Variants in FRMD4A observed in about 807,000 individuals in gnomAD.
FRMD4A encodes the protein FERM domain-containing protein 4A.
Under a neutral mutation model 129.1 loss-of-function variants are expected in FRMD4A, and 29 were observed. That is an observed-to-expected ratio of 0.22 (90% confidence interval 0.17 to 0.31). The LOEUF (loss-of-function observed/expected upper bound fraction) is 0.31, where lower values mean the gene tolerates loss of function less well. Ranked by LOEUF, FRMD4A falls within the 10% of genes least tolerant of loss-of-function variation. FRMD4A has a pLI of 1.00. For missense variants in FRMD4A, 1,272 were observed against 1,375.8 expected (o/e 0.92, Z 1.19); for synonymous variants, 634 against 571.6 (o/e 1.11, Z -1.56).
At chr10:14,265,643 A>C (rs1389775265) in intron 2 of FRMD4A, among the ~76,000 whole-genome samples, 2 of 152,236 alleles carry the variant, frequency 1.3e-5, no homozygotes, top group African/African-American at 4.8e-5. Context: ...GATTATCCCA[A>C]CTGGGATTAA....
At chr10:13,809,190 CT>C (rs2093405717) in intron 4 of FRMD4A, among the ~76,000 whole-genome samples, 1 of 152,204 alleles carries the variant, frequency 6.6e-6, no homozygotes. Context: ...CCAGTCAGTG[CT>C]GTTAGGGCAG....
chr10:13,693,587 G>A (rs737376), intron 15 of FRMD4A: 404,627 of 1,004,178 alleles, frequency 0.4, 85,979 homozygotes, highest in Non-Finnish European at 0.43. Context: ...TGACATTCCC[G>A]ACAGCTTGCC....
chr10:14,187,555 A>G (rs963206965), intron 2 of FRMD4A, among the ~76,000 whole-genome samples: 6 of 152,192 alleles, frequency 3.9e-5, no homozygotes, highest in African/African-American at 1.4e-4. Flanking sequence ...CCAAATTGAC[A>G]TAGAAAAAGA....
At chr10:14,010,848 C>G (rs1211287732) in intron 2 of FRMD4A, among the ~76,000 whole-genome samples, 1 of 151,794 alleles carries the variant, frequency 6.6e-6, no homozygotes, top group East Asian at 1.9e-4. Context: ...AATATGTTTC[C>G]CCGGAAGGGA....
In FRMD4A at chr10:13,835,483, G is replaced by C. The variant is rs569660814; in HGVS notation, c.111+23364C>G. 2.0e-5 allele frequency among the ~76,000 whole-genome samples: 3 copies of C among 152,280 alleles called. No individual in the cohort carries two copies. The East Asian group carries it at 5.8e-4, about 29-fold the overall frequency. ...AGCAGGCGGTGAGTCGCAGGAGAGTGAGTGAAGCTTCATCTGTATTTATAG... is the reference window on the plus strand; with the variant it reads ...AGCAGGCGGTGAGTCGCAGGAGAGTCAGTGAAGCTTCATCTGTATTTATAG... On this transcript the variant is annotated intron_variant, in intron 3 of 24. Coordinates refer to ENST00000357447, the MANE Select transcript of FRMD4A (RefSeq NM_018027.5).
chr10:13,949,301 C>CA (rs34006963), intron 2 of FRMD4A, among the ~76,000 whole-genome samples: 84,347 of 99,772 alleles, frequency 0.85, 36,069 homozygotes, highest in Non-Finnish European at 0.91. Flanking sequence ...TTCTAGTGAT[C>CA]AAAAAAAAAA....
chr10:13,944,832 A>G (rs1565088315), intron 2 of FRMD4A, among the ~76,000 whole-genome samples: 1 of 152,272 alleles, frequency 6.6e-6, no homozygotes. Flanking sequence ...ACACAGTGTC[A>G]GATAGAAAGC....
intron 2 of FRMD4A, among the ~76,000 whole-genome samples, chr10:14,167,239 C>T (rs1189208151): frequency 6.6e-6 from 1 of 151,974 alleles, no homozygotes; most frequent in African/African-American, 2.4e-5. Flanking sequence ...TAAATAAAGA[C>T]ATAAGAACAG....
Position 14,004,620 on chromosome 10 carries a change from C to T in FRMD4A, c.46-145708G>A, listed in dbSNP as rs1358079266. 2.0e-5 allele frequency among the ~76,000 whole-genome samples: 3 copies of T among 152,214 alleles called. No individual in the cohort carries two copies. In the East Asian group the frequency reaches 5.8e-4, roughly 29 times the overall value. ...AAGACAGGCAATCTTAAAAATGATG[C>T]CTATCATTATGGACTACATTTTATA... On this transcript the variant is annotated intron_variant, in intron 2 of 24. Transcript: ENST00000357447.
chr10:14,056,530 C>T (rs773248997), intron 2 of FRMD4A, among the ~76,000 whole-genome samples: 2 of 152,028 alleles, frequency 1.3e-5, no homozygotes, highest in Non-Finnish European at 2.9e-5. Flanking sequence ...TTTTTGTACC[C>T]ATTAAACATC....
chr10:14,192,193 T>C (rs777868128), intron 2 of FRMD4A, among the ~76,000 whole-genome samples: 51 of 152,360 alleles, frequency 3.3e-4, no homozygotes, highest in Non-Finnish European at 5.7e-4. Context: ...AATCATTCTT[T>C]TGGATGGAGA....
intron 22 of FRMD4A, among the ~76,000 whole-genome samples, chr10:13,656,080 G>A (rs1589223866): frequency 1.3e-5 from 2 of 152,130 alleles, no homozygotes; most frequent in East Asian, 1.9e-4. Context: ...TGTGGCTATG[G>A]CATAACATCA....
rs879525329 is a variant in FRMD4A, at chr10:13,884,212, A to ACT, written c.46-25301_46-25300insAG. 8.2e-5 allele frequency among the ~76,000 whole-genome samples: 7 copies of ACT among 84,930 alleles called. 1 individual carries two copies. The highest frequency in any genetic ancestry group is 3.0e-4 in the African/African-American group (7 of 23,394). 55.7% of individuals were successfully genotyped at this position (84,930 alleles called of 152,430 possible). ...CACACACACTCACACACACACTCAC[A>ACT]CACACACACACACACACACACACAC... is the stretch of plus-strand genomic sequence containing the variant. On this transcript the variant is annotated intron_variant, in intron 2 of 24. Coordinates refer to ENST00000357447, the MANE Select transcript of FRMD4A (RefSeq NM_018027.5).
chr10:13,711,668 T>A (rs1474490932), intron 12 of FRMD4A, among the ~76,000 whole-genome samples: 1 of 152,258 alleles, frequency 6.6e-6, no homozygotes, highest in East Asian at 1.9e-4. Flanking sequence ...TATTAATTCA[T>A]ACCTATTAAA....
intron 2 of FRMD4A, among the ~76,000 whole-genome samples, chr10:13,903,715 A>AT (rs1391776867): frequency 6.6e-6 from 1 of 151,360 alleles, no homozygotes; most frequent in East Asian, 1.9e-4. Flanking sequence ...CTAAAAAAAT[A>AT]AAAATAAAAA....
intron 2 of FRMD4A, among the ~76,000 whole-genome samples, chr10:14,047,764 C>T (rs914926927): frequency 1.3e-5 from 2 of 152,098 alleles, no homozygotes; most frequent in African/African-American, 2.4e-5. Context: ...AGAATGGAAC[C>T]CTTTGGGGTT....
At chr10:13,784,932 A>G (rs1408888919) in intron 5 of FRMD4A, among the ~76,000 whole-genome samples, 1 of 150,496 alleles carries the variant, frequency 6.6e-6, no homozygotes, top group Non-Finnish European at 1.5e-5. Context: ...GGGAGGTTGC[A>G]GCGAGCCGAG....
At chr10:13,951,338 G>A (rs888436324) in intron 2 of FRMD4A, among the ~76,000 whole-genome samples, 6 of 152,052 alleles carry the variant, frequency 3.9e-5, no homozygotes, top group East Asian at 1.9e-4. Context: ...GAGGTAGTGC[G>A]CCATCTTGGG....
chr10:14,007,922 G>A (rs1446373141), intron 2 of FRMD4A: 2 of 986,080 alleles, frequency 2.0e-6, no homozygotes, highest in Non-Finnish European at 1.3e-6. Flanking sequence ...AATTACAGAT[G>A]AGATAGTATT....
Sources: gnomAD v4.1 joint callset for allele counts (sites outside exome capture counted in the v4.1 genomes callset) on GRCh38, gnomAD v4.1.1 for gene constraint, MANE v1.5 for transcripts, NCBI Gene and HGNC (gene_info 2026-07-23, HGNC 2026-07-21) for gene names.